FBXL2: variants seen among roughly 807,000 people sequenced by gnomAD.
FBXL2 encodes F-box and leucine rich repeat protein 2.
In FBXL2, 38 loss-of-function variants were observed where a neutral mutation model predicts 69.2. The ratio of observed to expected loss-of-function variants is 0.55; its 90% CI spans 0.42 to 0.72. The LOEUF is 0.72. Among genes scored for constraint, FBXL2 ranks in the 30% least tolerant of loss-of-function variants. FBXL2 has a pLI of 0.00. For synonymous variants in FBXL2, 192 were observed against 201.3 expected (o/e 0.95, Z 0.39); for missense variants, 354 against 520.3 (o/e 0.68, Z 3.11).
At chr3:33,300,875 ATTT>A (rs11312891) in intron 2 of FBXL2, among the ~76,000 whole-genome samples, 1 of 146,750 alleles carries the variant, frequency 6.8e-6, no homozygotes. Flanking sequence ...CGCCCAGCTA[ATTT>A]TTTTTTTTTT....
chr3:33,342,612 C>G (rs1026811958), intron 2 of FBXL2, among the ~76,000 whole-genome samples: 1 of 141,474 alleles, frequency 7.1e-6, no homozygotes, highest in African/African-American at 2.6e-5. Context: ...TCTAACAATT[C>G]TTTTTAATAC....
At chr3:33,421,232 G>A in the FBXL2 span, among the ~76,000 whole-genome samples, 1 of 149,140 alleles carries the variant, frequency 6.7e-6, no homozygotes, top group African/African-American at 2.5e-5. Context: ...TTAAAGTCAG[G>A]GACTTAACTC....
At chr3:33,349,086 C>G (rs940577627) in intron 2 of FBXL2, among the ~76,000 whole-genome samples, 2 of 152,116 alleles carry the variant, frequency 1.3e-5, no homozygotes, top group Non-Finnish European at 2.9e-5. Flanking sequence ...TTCTTCCTTT[C>G]CAATTTGGAT....
At chr3:33,378,618 G>A (rs1006128797) in intron 12 of FBXL2, 67 bp from the exon 13 acceptor site, 16 of 1,487,006 alleles carry the variant, frequency 1.1e-5, no homozygotes, top group African/African-American at 1.4e-5. Flanking sequence ...TCGTGTTCAG[G>A]AGAAGCCAGG....
chr3:33,384,759 G>C (rs2043300681), intron 14 of FBXL2, among the ~76,000 whole-genome samples: 1 of 151,558 alleles, frequency 6.6e-6, no homozygotes, highest in Non-Finnish European at 1.5e-5. Flanking sequence ...GCCTATGTTG[G>C]GATGGGCGCG....
chr3:33,321,042 G>T (rs1188899122), intron 2 of FBXL2, among the ~76,000 whole-genome samples: 1 of 151,946 alleles, frequency 6.6e-6, no homozygotes, highest in African/African-American at 2.4e-5. Context: ...GGGTGTGGTG[G>T]CTCACACCTG....
chr3:33,326,858 T>C (rs962135328), intron 2 of FBXL2, among the ~76,000 whole-genome samples: 12 of 152,208 alleles, frequency 7.9e-5, no homozygotes, highest in African/African-American at 2.9e-4. Flanking sequence ...CTTTTTGTTA[T>C]CCTATTGATC....
the FBXL2 span, chr3:33,411,632 A>G: frequency 6.2e-7 from 1 of 1,614,210 alleles, no homozygotes; most frequent in Admixed American, 1.7e-5. Flanking sequence ...ATTCAACCGC[A>G]TTTAACTGGC....
chr3:33,419,628 C>CAAA, the FBXL2 span, among the ~76,000 whole-genome samples: 8,005 of 100,546 alleles, frequency 0.08, 851 homozygotes, highest in African/African-American at 0.25. Context: ...GACTCCATCT[C>CAAA]AAAAAAAAAA....
intron 1 of FBXL2, among the ~76,000 whole-genome samples, chr3:33,282,514 T>C (rs2034135477): frequency 6.6e-6 from 1 of 152,224 alleles, no homozygotes; most frequent in Non-Finnish European, 1.5e-5. Context: ...GGCTTAGAAT[T>C]GTCTTGGCAA....
intron 2 of FBXL2, among the ~76,000 whole-genome samples, chr3:33,337,005 G>T (rs2039638946): frequency 6.6e-6 from 1 of 151,988 alleles, no homozygotes. Context: ...AGGAGTTCGA[G>T]ACCAGCCTGG....
intron 2 of FBXL2, among the ~76,000 whole-genome samples, chr3:33,313,586 C>T (rs2037406488): frequency 6.6e-6 from 1 of 151,512 alleles, no homozygotes; most frequent in Non-Finnish European, 1.5e-5. Context: ...TCTGGGACTA[C>T]AGATACATGC....
chr3:33,411,340 G>A, the FBXL2 span, among the ~76,000 whole-genome samples: 9 of 151,922 alleles, frequency 5.9e-5, no homozygotes, highest in Admixed American at 1.3e-4. Flanking sequence ...TTTCATTATT[G>A]GGACTACTAG....
At chr3:33,393,599 C>A (rs2043853434) in intron 12 of FBXL2, 3 of 684,792 alleles carry the variant, frequency 4.4e-6, no homozygotes, top group East Asian at 3.2e-5. Context: ...TAAACTATTT[C>A]TTTCCCCCAT....
chr3:33,316,843 A>G (rs928496049), intron 2 of FBXL2, among the ~76,000 whole-genome samples: 8 of 152,120 alleles, frequency 5.3e-5, no homozygotes, highest in Non-Finnish European at 2.9e-5. Flanking sequence ...TTGGGCAAAC[A>G]TTTTCAAACA....
At chr3:33,348,571 G>A (rs1057012920) in intron 2 of FBXL2, among the ~76,000 whole-genome samples, 1 of 152,048 alleles carries the variant, frequency 6.6e-6, no homozygotes, top group African/African-American at 2.4e-5. Context: ...TTTTGATAGG[G>A]ATTGCATTAA....
chr3:33,379,479 C>T lies in FBXL2; in HGVS notation c.951+738C>T, dbSNP rs181487237. On this transcript the variant is annotated intron_variant, in intron 13 of 14. Transcript: ENST00000484457. Reference sequence around the variant, plus strand: ...AAGCTATTCTCCTGCCTCATCCTCCCGAGTAGCTGGGATTACAGGCGTGCA... The same window carrying T: ...AAGCTATTCTCCTGCCTCATCCTCCTGAGTAGCTGGGATTACAGGCGTGCA... Among the ~76,000 whole-genome samples the T allele has an allele frequency of 1.1e-3, 161 of 151,468 alleles. 2 individuals are homozygous for T. The highest frequency in any genetic ancestry group is 3.6e-3 in the African/African-American group (149 of 41,306).
intron 1 of FBXL2, among the ~76,000 whole-genome samples, chr3:33,292,827 G>A (rs748404313): frequency 6.6e-6 from 1 of 152,050 alleles, no homozygotes; most frequent in Non-Finnish European, 1.5e-5. Context: ...GGTTAAAAGT[G>A]AGCTGGGTTG....
At chr3:33,311,620 T>G (rs1292768501) in intron 2 of FBXL2, among the ~76,000 whole-genome samples, 1 of 152,048 alleles carries the variant, frequency 6.6e-6, no homozygotes, top group Admixed American at 6.5e-5. Context: ...AGCTACGGAA[T>G]TTGTTTGGCT....
Sources: allele counts gnomAD v4.1 joint callset (sites outside exome capture counted in the v4.1 genomes callset), GRCh38; gene constraint gnomAD v4.1.1; transcripts MANE v1.5; gene names NCBI Gene and HGNC (gene_info 2026-07-23, HGNC 2026-07-21).